KLRC1: variants seen among roughly 807,000 people sequenced by gnomAD.
KLRC1 encodes NKG2-A/NKG2-B type II integral membrane protein.
KLRC1 carries 22 observed loss-of-function variants against 25.9 expected under a neutral mutation model. That is an observed-to-expected ratio of 0.85 (90% CI 0.61 to 1.21). KLRC1 has a LOEUF of 1.21. Among genes scored for constraint, KLRC1 ranks in the 50% most tolerant of loss-of-function variants. The probability of loss-of-function intolerance (pLI) is 0.00; values close to 1 mark genes in which losing one functional copy is unlikely to be tolerated. For missense variants in KLRC1, 240 were observed against 272.2 expected (o/e 0.88, Z 0.83); for synonymous variants, 77 against 93.1 (o/e 0.83, Z 0.99).
At chr12:10,447,453 CAT>C (rs1864012772) in intron 6 of KLRC1, 77 bp downstream of exon 6, 1 of 1,214,494 alleles carries the variant, frequency 8.2e-7, no homozygotes, top group Non-Finnish European at 1.2e-6. Flanking sequence ...TATGATTCCA[CAT>C]AGATTTATTC....
Position 10,446,082 on chromosome 12 carries a change from T to C in KLRC1, c.*469A>G, listed in dbSNP as rs1390362624. The C allele has an allele frequency of 1.3e-5, 2 of 150,284 alleles. No homozygotes were observed. The highest frequency in any genetic ancestry group is 2.0e-4 in the South Asian group (1 of 5,048). 9.3% of individuals were successfully genotyped at this position (150,284 alleles called of 1,614,324 possible). A position where few individuals can be genotyped will look rare whatever the true frequency, so the allele number is the denominator to read the frequency against. ...AAGTGTCGTGTACAAAGCATACATTTCATGCACTTAAAATGATTAAAAATC... is the reference window on the plus strand; with the variant it reads ...AAGTGTCGTGTACAAAGCATACATTCCATGCACTTAAAATGATTAAAAATC... On this transcript the variant is annotated 3_prime_UTR_variant, in exon 7 of 7. Transcript: ENST00000359151.
chr12:10,444,862 T>C (rs1414516960), downstream of KLRC1, among the ~76,000 whole-genome samples: 2 of 151,640 alleles, frequency 1.3e-5, no homozygotes, highest in Non-Finnish European at 2.9e-5. Flanking sequence ...AATATCCTTG[T>C]GAACGTGGAT....
At chr12:10,445,081 A>G (rs1395592021), downstream of KLRC1, among the ~76,000 whole-genome samples, 1 of 151,838 alleles carries the variant, frequency 6.6e-6, no homozygotes, top group East Asian at 1.9e-4. Context: ...CACCACACCC[A>G]GCTAGTTTTT....
In KLRC1 at chr12:10,453,116, C is replaced by G. The variant is rs12304307; in HGVS notation, c.-32+82G>C. On this transcript the variant is annotated intron_variant, in intron 1 of 6. Transcript: ENST00000359151. ...TGATTTTATTGTATATTAATTATAC[C>G]TCCTTTGTATCATATTGAGCACTTG... The G allele has an allele frequency of 8.1e-4, 402 of 499,052 alleles. 1 individual carries two copies. Among genetic ancestry groups the G allele is most frequent in the African/African-American group, 8.0e-3 (385 of 47,838 alleles). The allele number at this position is 499,052 out of a possible 1,614,324, so 30.9% of individuals were successfully genotyped here.
At chr12:10,452,068 A>G (rs2137899920) in intron 1 of KLRC1, among the ~76,000 whole-genome samples, 1 of 152,096 alleles carries the variant, frequency 6.6e-6, no homozygotes, top group South Asian at 2.1e-4. Context: ...AAATATTTGT[A>G]TATGACAGAA....
At chr12:10,447,417 T>A in intron 6 of KLRC1, 115 bp downstream of exon 6, 1 of 943,708 alleles carries the variant, frequency 1.1e-6, no homozygotes, top group Non-Finnish European at 1.6e-6. Context: ...AGCATTTCAC[T>A]AACTTTCCAC....
At chr12:10,449,544 T>G (rs1864076542) in intron 4 of KLRC1, among the ~76,000 whole-genome samples, 156 bp from the exon 5 acceptor site, 1 of 152,236 alleles carries the variant, frequency 6.6e-6, no homozygotes, top group Admixed American at 6.5e-5. Context: ...CCCAGTCACT[T>G]ATACACACAT....
Position 10,453,349 on chromosome 12 carries a change from T to C in KLRC1, c.-183A>G, listed in dbSNP as rs1034108004. 1 of 985,446 alleles carries C rather than the reference T, an allele frequency of 1.0e-6. No homozygotes were observed. The highest frequency in any genetic ancestry group is 1.2e-6 in the Non-Finnish European group (1 of 829,930). The allele number at this position is 985,446 out of a possible 1,614,324, so 61.0% of individuals were successfully genotyped here. The stretch of plus-strand genomic sequence containing the variant: ...TGCCTGCAATCTTCGCAGACTGCCC[T>C]GTGAAGGCTCAGAGTGAGTCAAGAG... On this transcript the variant is annotated 5_prime_UTR_variant, in exon 1 of 7. Transcript: ENST00000359151.
chr12:10,450,556 G>T lies in KLRC1; in HGVS notation c.211C>A (p.Leu71Ile). The T allele has an allele frequency of 6.2e-7, 1 of 1,610,086 alleles. No individual in the cohort carries two copies. The highest frequency in any genetic ancestry group is 8.5e-7 in the Non-Finnish European group (1 of 1,176,466). Residue 71 changes from leucine (L) to isoleucine (I), a missense_variant, in exon 3 of 7, where the codon CTC (leucine) becomes ATC (isoleucine). By Grantham distance (5) the Leu-to-Ile change is conservative (BLOSUM62 2). Transcript: ENST00000359151. Reference sequence around the variant, plus strand: ...ATAATTCCCAGGATCCCAACAATGAGCTTCTCTGGAGCTGATGGTAAATCT... The same window carrying T: ...ATAATTCCCAGGATCCCAACAATGATCTTCTCTGGAGCTGATGGTAAATCT... ...CKDLPSAPEK[L>I]IVGILGIICL...
intron 4 of KLRC1, 44 bp from the exon 5 acceptor site, chr12:10,449,432 T>G (rs756644853): frequency 4.5e-5 from 72 of 1,594,500 alleles, no homozygotes; most frequent in Non-Finnish European, 5.9e-5. Flanking sequence ...TATGAATTTT[T>G]AAAAATGAAA....
At chr12:10,443,050 A>G (rs1417062089), downstream of KLRC1, among the ~76,000 whole-genome samples, 3 of 127,830 alleles carry the variant, frequency 2.3e-5, no homozygotes, top group Non-Finnish European at 5.0e-5. Flanking sequence ...TGGGTACGAA[A>G]AAAAGATAGA....
At chr12:10,453,564 A>ATT (rs35500295), upstream of KLRC1, among the ~76,000 whole-genome samples, 1 of 149,406 alleles carries the variant, frequency 6.7e-6, no homozygotes, top group South Asian at 2.1e-4. Context: ...GCCTATGAGA[A>ATT]TTTTTTTTTT....
chr12:10,449,878 C>G (rs1477495091), intron 4 of KLRC1, 36 bp downstream of exon 4: 1 of 1,387,214 alleles, frequency 7.2e-7, no homozygotes, highest in East Asian at 2.8e-5. Flanking sequence ...AAAAAATAAA[C>G]TGTACAATAT....
Position 10,453,353 on chromosome 12 carries a change from A to G in KLRC1, c.-187T>C. 2 of 985,430 alleles carry G rather than the reference A, an allele frequency of 2.0e-6. No individual in the cohort carries two copies. Among genetic ancestry groups the G allele is most frequent in the Non-Finnish European group, 2.4e-6 (2 of 829,916 alleles). The allele number at this position is 985,430 out of a possible 1,614,324, so 61.0% of individuals were successfully genotyped here. On this transcript the variant is annotated 5_prime_UTR_variant, in exon 1 of 7. Transcript: ENST00000359151. ...TGCAATCTTCGCAGACTGCCCTGTG[A>G]AGGCTCAGAGTGAGTCAAGAGTGGA...
intron 5 of KLRC1, among the ~76,000 whole-genome samples, chr12:10,448,296 C>T (rs150470537): frequency 1.8e-4 from 27 of 152,288 alleles, no homozygotes; most frequent in East Asian, 5.8e-4. Flanking sequence ...GTCCTCCACA[C>T]GACAGAAGAA....
intron 1 of KLRC1, among the ~76,000 whole-genome samples, chr12:10,452,117 T>C (rs952442344): frequency 1.3e-5 from 2 of 151,870 alleles, no homozygotes; most frequent in Non-Finnish European, 2.9e-5. Flanking sequence ...ATAACCTAAA[T>C]AGTATTAGGA....
In KLRC1 at chr12:10,450,974, G is replaced by A. The variant is rs765946718; in HGVS notation, c.183C>T (p.Cys61=). The part of the protein sequence containing the change: ...DFQGNDKTYH[C]KDLPSAPEKL... ...AGGATCTTTTAAATGCTTTACCTTT[G>A]CAGTGATAGGTTTTGTCATTCCCTT... Residue 61 remains cysteine (C), a synonymous_variant, in exon 2 of 7, where the codon TGC becomes TGT. Coordinates refer to ENST00000359151, the MANE Select transcript of KLRC1 (RefSeq NM_002259.5). 18 of 1,606,576 alleles carry A rather than the reference G, an allele frequency of 1.1e-5. No homozygotes were observed. The highest frequency in any genetic ancestry group is 8.5e-7 in the Non-Finnish European group (1 of 1,175,232).
upstream of KLRC1, among the ~76,000 whole-genome samples, chr12:10,454,026 C>T (rs923590413): frequency 4.6e-5 from 7 of 152,124 alleles, no homozygotes; most frequent in African/African-American, 9.7e-5. Flanking sequence ...ATTCATCCTC[C>T]GCCATAACAA....
At chr12:10,448,505 C>T (rs1176240379) in intron 5 of KLRC1, among the ~76,000 whole-genome samples, 1 of 152,108 alleles carries the variant, frequency 6.6e-6, no homozygotes, top group Non-Finnish European at 1.5e-5. Context: ...CCAAGAGACA[C>T]CAGAGTGGAT....
Sources: gnomAD v4.1 joint callset for allele counts (sites outside exome capture counted in the v4.1 genomes callset) on GRCh38, gnomAD v4.1.1 for gene constraint, MANE v1.5 for transcripts, NCBI Gene and HGNC (gene_info 2026-07-23, HGNC 2026-07-21) for gene names.